The following NAV3 variants were observed in gnomAD, a reference collection of about 807,000 sequenced individuals.
NAV3 encodes the protein neuron navigator 3.
A neutral mutation model predicts 244.7 loss-of-function variants in NAV3; 87 were observed. The ratio of observed to expected loss-of-function variants is 0.36; its 90% CI spans 0.30 to 0.42. NAV3 has a LOEUF of 0.42. NAV3 is among the 20% of genes least tolerant of loss of function. The pLI is 1.00. For synonymous variants in NAV3, 1,126 were observed against 1,042.2 expected, an observed-to-expected ratio of 1.08 and a Z score of -1.55; for missense variants, 2,663 against 2,893.3, an observed-to-expected ratio of 0.92 and a Z score of 1.83.
At chr12:78,085,300 A>G (rs1243718996) in intron 12 of NAV3, among the ~76,000 whole-genome samples, 1 of 152,114 alleles carries the variant, frequency 6.6e-6, no homozygotes, top group Non-Finnish European at 1.5e-5. Context: ...CTCAGACTGA[A>G]GAAGCAACCC....
At chr12:77,654,164 G>A (rs922478911) in intron 2 of NAV3, among the ~76,000 whole-genome samples, 21 of 152,260 alleles carry the variant, frequency 1.4e-4, no homozygotes, top group African/African-American at 4.8e-4. Context: ...TGCCTCACTC[G>A]GGACGTGCAA....
chr12:78,109,726 A>T (rs999483025), intron 12 of NAV3, among the ~76,000 whole-genome samples: 1 of 152,012 alleles, frequency 6.6e-6, no homozygotes, highest in Non-Finnish European at 1.5e-5. Flanking sequence ...TGCAGAAAAA[A>T]ATTTTTGATA....
intron 2 of NAV3, among the ~76,000 whole-genome samples, chr12:77,820,049 G>A (rs539476540): frequency 1.3e-5 from 2 of 152,044 alleles, no homozygotes; most frequent in African/African-American, 4.8e-5. Context: ...AAAGAAAATG[G>A]ACAGTGAGGT....
intron 5 of NAV3, among the ~76,000 whole-genome samples, chr12:77,979,003 A>G (rs2136242700): frequency 6.6e-6 from 1 of 151,974 alleles, no homozygotes; most frequent in East Asian, 1.9e-4. Flanking sequence ...ATAAGTCAGT[A>G]ATTTTTCAAA....
intron 2 of NAV3, among the ~76,000 whole-genome samples, chr12:77,616,313 A>C (rs1871141139): frequency 6.6e-6 from 1 of 152,064 alleles, no homozygotes. Context: ...AGGCTGAGGC[A>C]GAAGAATCAC....
intron 12 of NAV3, among the ~76,000 whole-genome samples, chr12:78,090,096 G>T (rs910450742): frequency 1.3e-5 from 2 of 151,568 alleles, no homozygotes; most frequent in African/African-American, 4.8e-5. Context: ...TCTCCAGTAT[G>T]CCCTGCATCA....
At chr12:77,725,781 C>A (rs1211311770) in intron 2 of NAV3, among the ~76,000 whole-genome samples, 5 of 152,048 alleles carry the variant, frequency 3.3e-5, no homozygotes, top group East Asian at 3.9e-4. Flanking sequence ...CCAAAATGGG[C>A]CTCACTGGGT....
At position 77,809,564 on chromosome 12, in the gene NAV3, G is replaced by A. The variant is rs142445110; in HGVS notation, c.73-130755G>A. On this transcript the variant is annotated intron_variant, in intron 2 of 8. Transcript: ENST00000550042. ...CTCAGTTTTAACTGCAGAAATCACC[G>A]GCCTTCTGCATTGATCTCGCTAGGA... Among the ~76,000 whole-genome samples, 140 of 152,236 alleles carry A rather than the reference G, an allele frequency of 9.2e-4. No individual in the cohort carries two copies. The East Asian group carries it at 0.015, about 17-fold the overall frequency.
At chr12:77,793,023 C>T (rs760203105) in intron 2 of NAV3, among the ~76,000 whole-genome samples, 4 of 152,104 alleles carry the variant, frequency 2.6e-5, no homozygotes, top group Non-Finnish European at 5.9e-5. Flanking sequence ...CTTAGTTATC[C>T]CAGGAAGCTA....
At chr12:77,957,357 G>A (rs1260289421) in intron 3 of NAV3, among the ~76,000 whole-genome samples, 4 of 152,094 alleles carry the variant, frequency 2.6e-5, no homozygotes, top group Non-Finnish European at 4.4e-5. Flanking sequence ...GTTGTGCCAT[G>A]GTTTAGATTT....
intron 2 of NAV3, among the ~76,000 whole-genome samples, chr12:77,702,363 G>T (rs185150149): frequency 6.6e-6 from 1 of 151,784 alleles, no homozygotes; most frequent in Non-Finnish European, 1.5e-5. Flanking sequence ...AGTCTATCTC[G>T]CAGAGGATAT....
At chr12:78,003,123 A>T (rs1873593395) in intron 7 of NAV3, among the ~76,000 whole-genome samples, 1 of 90,160 alleles carries the variant, frequency 1.1e-5, no homozygotes, top group Non-Finnish European at 2.8e-5. Flanking sequence ...GTTTCTTTTG[A>T]GTCACTATAA....
At chr12:77,652,128 G>A (rs1592541930) in intron 2 of NAV3, among the ~76,000 whole-genome samples, 2 of 152,100 alleles carry the variant, frequency 1.3e-5, no homozygotes, top group East Asian at 3.8e-4. Context: ...TATTTCATAG[G>A]TTGCTAACAG....
chr12:78,137,339 G>A lies in NAV3; in HGVS notation c.4604G>A (p.Gly1535Asp), dbSNP rs1224966298. The part of the protein sequence containing the change: ...EERPRAISHS[G>D]SFRDSMEEVH... ...AGACCTCGTGCCATCAGTCATTCGG[G>A]CTCATTCAGAGACAGCATGGAAGAA... Residue 1535 changes from glycine to aspartate, a missense_variant, in exon 19 of 40, where the codon GGC becomes GAC. Gly to Asp is a moderately conservative substitution (Grantham distance 94). Transcript: ENST00000397909. The A allele has an allele frequency of 3.1e-6, 5 of 1,612,430 alleles. No homozygotes were observed. The highest frequency in any genetic ancestry group is 1.7e-6 in the Non-Finnish European group (2 of 1,179,496).
intron 2 of NAV3, among the ~76,000 whole-genome samples, chr12:77,716,876 G>C (rs534508317): frequency 4.3e-4 from 65 of 152,162 alleles, no homozygotes; most frequent in Non-Finnish European, 7.5e-4. Flanking sequence ...AGCAAAAGCT[G>C]TCTGGGAAGC....
intron 22 of NAV3, among the ~76,000 whole-genome samples, chr12:78,155,289 C>G (rs746409535): frequency 1.3e-5 from 2 of 152,034 alleles, no homozygotes; most frequent in African/African-American, 2.4e-5. Context: ...TTTTCTCTTC[C>G]TGTGTTAGTT....
At chr12:77,586,444 G>A (rs1170810343) in intron 2 of NAV3, among the ~76,000 whole-genome samples, 1 of 152,100 alleles carries the variant, frequency 6.6e-6, no homozygotes, top group African/African-American at 2.4e-5. Context: ...AAAGATAATG[G>A]GCTTTTCATA....
At chr12:77,844,308 A>C (rs1283984801) in intron 1 of NAV3, among the ~76,000 whole-genome samples, 1 of 152,158 alleles carries the variant, frequency 6.6e-6, no homozygotes, top group Non-Finnish European at 1.5e-5. Context: ...CACTCTTTCA[A>C]GCCCTTTTAT....
intron 2 of NAV3, among the ~76,000 whole-genome samples, chr12:77,642,603 T>C (rs1372089226): frequency 6.6e-6 from 1 of 152,152 alleles, no homozygotes; most frequent in Middle Eastern, 3.4e-3. Flanking sequence ...CAGTCACATA[T>C]TACAAATAGA....
Sources: gnomAD v4.1 joint callset for allele counts (sites outside exome capture counted in the v4.1 genomes callset) on GRCh38, gnomAD v4.1.1 for gene constraint, MANE v1.5 for transcripts, NCBI Gene and HGNC (gene_info 2026-07-23, HGNC 2026-07-21) for gene names.